The following NEK11 variants were observed in gnomAD, a reference collection of about 807,000 sequenced individuals.
The protein encoded by NEK11 is NIMA related kinase 11, also known as serine/threonine-protein kinase Nek11.
NEK11 carries 72 observed loss-of-function variants against 80.7 expected under a neutral mutation model. The ratio of observed to expected loss-of-function variants is 0.89; its 90% CI spans 0.74 to 1.08. NEK11 has a LOEUF of 1.08. Among genes scored for constraint, NEK11 ranks in the 50% least tolerant of loss-of-function variants. NEK11 has a pLI of 0.00. For synonymous variants in NEK11, 251 were observed against 260.7 expected (o/e 0.96, Z 0.36); for missense variants, 764 against 763.6 (o/e 1.00, Z -0.01).
Position 131,152,651 on chromosome 3 carries a change from C to T in NEK11, c.818C>T (p.Ser273Leu). 1 of 1,613,704 alleles carries T rather than the reference C, an allele frequency of 6.2e-7. No homozygotes were observed. The highest frequency in any genetic ancestry group is 8.5e-7 in the Non-Finnish European group (1 of 1,179,772). The change falls in exon 9 of 18, where the codon TCA (serine) becomes TTA (leucine). Residue 273 changes from serine to leucine, a missense_variant. By Grantham distance (145) the Ser-to-Leu change is moderately radical. Transcript: ENST00000383366. ...TACAGCATGTTGAACAAGAATCCTT[C>T]ATTAAGACCATCTGCTATCGAAATT... ...IMESMLNKNP[S>L]LRPSAIEILK...
chr3:131,211,054 G>A (rs1376267366), intron 14 of NEK11, among the ~76,000 whole-genome samples: 1 of 152,160 alleles, frequency 6.6e-6, no homozygotes, highest in African/African-American at 2.4e-5. Flanking sequence ...AGTTGATGCA[G>A]TTTCTTCCTA....
At chr3:131,257,811 C>T (rs962732889) in intron 16 of NEK11, among the ~76,000 whole-genome samples, 6 of 152,100 alleles carry the variant, frequency 3.9e-5, no homozygotes, top group Admixed American at 3.3e-4. Flanking sequence ...ATCCAGCAAT[C>T]TCACTACTGG....
intron 4 of NEK11, among the ~76,000 whole-genome samples, chr3:131,093,404 A>G (rs902282091): frequency 1.4e-5 from 2 of 144,218 alleles, no homozygotes; most frequent in Non-Finnish European, 3.0e-5. Flanking sequence ...TAAAAACCCA[A>G]TCATGTGGAA....
At chr3:131,063,109 C>T (rs2071216331) in intron 3 of NEK11, among the ~76,000 whole-genome samples, 1 of 152,232 alleles carries the variant, frequency 6.6e-6, no homozygotes, top group Non-Finnish European at 1.5e-5. Flanking sequence ...ACTGCAGCCT[C>T]AAACTCCTAG....
At position 131,311,919 on chromosome 3, in the gene NEK11, G is replaced by T. The variant is rs1223233085; in HGVS notation, c.1719-37638G>T. Among the ~76,000 whole-genome samples, 5 of 152,192 alleles carry T rather than the reference G, an allele frequency of 3.3e-5. No homozygotes were observed. The East Asian group carries it at 9.6e-4, about 29-fold the overall frequency. ...TCAATGGAAGCCCACAAAGTCTAGA[G>T]ATATTTGAATTTATTTTTGATTTGA... is the stretch of plus-strand genomic sequence containing the variant. On this transcript the variant is annotated intron_variant, in intron 17 of 17. Transcript: ENST00000383366.
At chr3:131,133,472 C>T (rs1578841829) in intron 6 of NEK11, 3 of 289,964 alleles carry the variant, frequency 1.0e-5, no homozygotes, top group Non-Finnish European at 2.0e-5. Context: ...CTTCTCCCCT[C>T]AGGTGAAATT....
intron 14 of NEK11, among the ~76,000 whole-genome samples, chr3:131,220,238 C>T (rs2094972954): frequency 6.6e-6 from 1 of 152,078 alleles, no homozygotes; most frequent in Non-Finnish European, 1.5e-5. Context: ...AAAGTATTGA[C>T]TTTTACCTTA....
chr3:131,141,810 G>A (rs2086967309), intron 7 of NEK11, among the ~76,000 whole-genome samples: 1 of 152,160 alleles, frequency 6.6e-6, no homozygotes, highest in Non-Finnish European at 1.5e-5. Context: ...GCAAGGAGGG[G>A]AGTGTTGGTA....
At chr3:131,110,944 GATT>G (rs1358451119) in intron 5 of NEK11, among the ~76,000 whole-genome samples, 1 of 152,006 alleles carries the variant, frequency 6.6e-6, no homozygotes, top group East Asian at 1.9e-4. Context: ...TTTATTAAAA[GATT>G]ATTTGACTTA....
Position 131,280,413 on chromosome 3 carries a change from A to G in NEK11, c.1718+6839A>G, listed in dbSNP as rs148684283. On this transcript the variant is annotated intron_variant, in intron 17 of 17. Transcript: ENST00000383366. Reference sequence around the variant, plus strand: ...TTTCCCTCTCTGTCTGTCATTTTGGATAGTTTCTTTTGCTATGTCTTAAAA... The same window carrying G: ...TTTCCCTCTCTGTCTGTCATTTTGGGTAGTTTCTTTTGCTATGTCTTAAAA... Among the ~76,000 whole-genome samples, 1,167 of 151,044 alleles carry G rather than the reference A, an allele frequency of 7.7e-3. 3 individuals carry two copies. The highest frequency in any genetic ancestry group is 0.014 in the Middle Eastern group (4 of 294).
intron 14 of NEK11, among the ~76,000 whole-genome samples, chr3:131,208,573 A>G (rs1324576122): frequency 2.0e-5 from 3 of 152,118 alleles, no homozygotes; most frequent in Non-Finnish European, 4.4e-5. Context: ...CATTTTCACG[A>G]TATTGATTCT....
chr3:131,331,939 C>T (rs1447469651), intron 17 of NEK11, among the ~76,000 whole-genome samples: 3 of 152,218 alleles, frequency 2.0e-5, no homozygotes, highest in Non-Finnish European at 4.4e-5. Context: ...CCCAGGCTTG[C>T]TTAGGTAAAC....
chr3:131,086,611 A>G (rs765589158), intron 4 of NEK11, among the ~76,000 whole-genome samples: 1 of 152,162 alleles, frequency 6.6e-6, no homozygotes, highest in Non-Finnish European at 1.5e-5. Context: ...GAGGAGAAGT[A>G]AATTCTTGCT....
intron 17 of NEK11, among the ~76,000 whole-genome samples, chr3:131,304,615 ACAGGGTGGTTT>A (rs1168604956): frequency 2.6e-5 from 4 of 152,062 alleles, no homozygotes; most frequent in African/African-American, 9.7e-5. Context: ...TGATTGTGGT[ACAGGGTGGTTT>A]CAGGCATCTG....
chr3:131,083,277 C>T (rs1014707520), intron 4 of NEK11, among the ~76,000 whole-genome samples: 6 of 152,186 alleles, frequency 3.9e-5, no homozygotes, highest in South Asian at 2.1e-4. Context: ...GGATCTCATC[C>T]GGAATCATCT....
chr3:131,159,969 A>G lies in NEK11; in HGVS notation c.963-2439A>G, dbSNP rs532238302. 2.6e-5 allele frequency among the ~76,000 whole-genome samples: 4 copies of G among 152,308 alleles called. No homozygotes were observed. In the South Asian group the frequency reaches 6.2e-4, roughly 24 times the overall value. ...GAAAGAGGTGGGGAAAATTGAAGCA[A>G]TTTGGAAAACACAGAAATACATTGC... On this transcript the variant is annotated intron_variant, in intron 10 of 17. Coordinates refer to ENST00000383366, the MANE Select transcript of NEK11 (RefSeq NM_024800.5).
At chr3:131,154,565 A>G (rs1432829562) in intron 9 of NEK11, among the ~76,000 whole-genome samples, 2 of 152,250 alleles carry the variant, frequency 1.3e-5, no homozygotes, top group African/African-American at 4.8e-5. Flanking sequence ...TATTCTTTAT[A>G]GTTTTTTGAC....
chr3:131,104,648 C>T (rs114813069), intron 4 of NEK11, among the ~76,000 whole-genome samples: 2,791 of 152,170 alleles, frequency 0.018, 43 homozygotes, highest in Non-Finnish European at 0.028. Context: ...TCCTCAGCAC[C>T]GTGCGTGTGG....
At chr3:131,176,625 A>G (rs1471730965) in intron 14 of NEK11, among the ~76,000 whole-genome samples, 1 of 152,194 alleles carries the variant, frequency 6.6e-6, no homozygotes, top group East Asian at 1.9e-4. Context: ...ACAAGTCACT[A>G]ACTAAAATTT....
Sources: gnomAD v4.1 joint callset for allele counts (sites outside exome capture counted in the v4.1 genomes callset) on GRCh38, gnomAD v4.1.1 for gene constraint, MANE v1.5 for transcripts, NCBI Gene and HGNC (gene_info 2026-07-23, HGNC 2026-07-21) for gene names.